The following CHCHD3 variants were observed in gnomAD, a reference collection of about 807,000 sequenced individuals.
The protein encoded by CHCHD3 is MICOS complex subunit MIC19.
In CHCHD3, 20 loss-of-function variants were observed where a neutral mutation model predicts 38.2. The observed-to-expected ratio is 0.52, with a 90% CI of 0.37 to 0.76. The LOEUF is 0.76. Among genes scored for constraint, CHCHD3 ranks in the 30% least tolerant of loss-of-function variants. The probability of loss-of-function intolerance (pLI) is 0.00; values close to 1 mark genes in which losing one functional copy is unlikely to be tolerated. For missense variants in CHCHD3, 245 were observed against 279.2 expected, an observed-to-expected ratio of 0.88 and a Z score of 0.87; for synonymous variants, 82 against 100.0, an observed-to-expected ratio of 0.82 and a Z score of 1.07.
intron 2 of CHCHD3, chr7:133,034,518 T>TTC (rs1813595749): frequency 2.1e-6 from 1 of 481,474 alleles, no homozygotes. Flanking sequence ...CTTTTTTTTT[T>TTC]TTTTTTTTTT....
Position 132,983,180 on chromosome 7 carries a change from A to G in CHCHD3, c.252-7894T>C, listed in dbSNP as rs1333627598. On this transcript the variant is annotated intron_variant, in intron 3 of 7. Coordinates refer to ENST00000262570, the MANE Select transcript of CHCHD3 (RefSeq NM_017812.4). ...CCATTAAAAATACAAAAAATTAGCC[A>G]GGCATGGTGGTAGCACCTGTAATCC... Among the ~76,000 whole-genome samples the G allele has an allele frequency of 8.5e-4, 129 of 151,632 alleles. No homozygotes were observed. The South Asian group carries it at 0.01, about 12-fold the overall frequency.
intron 5 of CHCHD3, among the ~76,000 whole-genome samples, chr7:132,852,527 G>C (rs1808244257): frequency 1.3e-5 from 2 of 152,166 alleles, no homozygotes; most frequent in East Asian, 1.9e-4. Flanking sequence ...CCACAGGACA[G>C]AGAAAACAAA....
intron 4 of CHCHD3, among the ~76,000 whole-genome samples, chr7:132,891,804 T>C (rs932758612): frequency 4.6e-5 from 7 of 152,190 alleles, no homozygotes; most frequent in African/African-American, 1.4e-4. Context: ...GCTATTCTTG[T>C]GATAGTGAGT....
At chr7:132,923,394 A>G (rs1407611029) in intron 4 of CHCHD3, among the ~76,000 whole-genome samples, 1 of 152,154 alleles carries the variant, frequency 6.6e-6, no homozygotes, top group African/African-American at 2.4e-5. Flanking sequence ...TTCCATATGG[A>G]TAAGAGATAA....
chr7:132,945,558 A>G (rs1321785645), intron 4 of CHCHD3, among the ~76,000 whole-genome samples: 1 of 151,944 alleles, frequency 6.6e-6, no homozygotes, highest in Non-Finnish European at 1.5e-5. Context: ...AGGAAGCATG[A>G]GAATGGAAAA....
chr7:133,026,930 T>C (rs1813355038), intron 2 of CHCHD3, among the ~76,000 whole-genome samples: 2 of 152,110 alleles, frequency 1.3e-5, no homozygotes, highest in East Asian at 1.9e-4. Flanking sequence ...TTTTAAGATA[T>C]TGAAAATATT....
At chr7:132,908,590 C>T (rs1243800916) in intron 4 of CHCHD3, among the ~76,000 whole-genome samples, 1 of 152,120 alleles carries the variant, frequency 6.6e-6, no homozygotes, top group Non-Finnish European at 1.5e-5. Flanking sequence ...CTGATAAAGA[C>T]TCCATCCTCT....
At chr7:132,956,412 G>A (rs1011742505) in intron 4 of CHCHD3, among the ~76,000 whole-genome samples, 4 of 152,180 alleles carry the variant, frequency 2.6e-5, no homozygotes, top group Admixed American at 6.5e-5. Flanking sequence ...CAATGGAAAT[G>A]TAAGTCAAAT....
intron 6 of CHCHD3, among the ~76,000 whole-genome samples, chr7:132,799,377 T>C (rs1806722348): frequency 6.6e-6 from 1 of 152,242 alleles, no homozygotes; most frequent in African/African-American, 2.4e-5. Flanking sequence ...ATATGCATTA[T>C]GGTAAACCCT....
chr7:132,994,707 T>C (rs934809737), intron 3 of CHCHD3, among the ~76,000 whole-genome samples: 15 of 152,212 alleles, frequency 9.9e-5, no homozygotes, highest in Non-Finnish European at 1.8e-4. Context: ...TAGTTAAACA[T>C]AGGCCTTAGA....
intron 4 of CHCHD3, among the ~76,000 whole-genome samples, chr7:132,963,130 A>G (rs1420289008): frequency 7.1e-6 from 1 of 141,810 alleles, no homozygotes; most frequent in Admixed American, 7.0e-5. Flanking sequence ...TGCTCAATTG[A>G]TCCCCTCCCC....
chr7:132,973,639 C>A (rs996671694), intron 4 of CHCHD3: 2 of 1,018,568 alleles, frequency 2.0e-6, no homozygotes, highest in Middle Eastern at 4.9e-4. Context: ...TCACTATTTG[C>A]CCATGCAACC....
intron 6 of CHCHD3, among the ~76,000 whole-genome samples, chr7:132,827,674 T>C (rs1807539827): frequency 6.6e-6 from 1 of 152,208 alleles, no homozygotes; most frequent in Admixed American, 6.5e-5. Context: ...TCCCAAAATC[T>C]CAGAAATGCT....
At chr7:133,055,358 A>ATATTTGATTATAATTAATTATAATTATGT (rs1370768144) in intron 2 of CHCHD3, among the ~76,000 whole-genome samples, 15 of 145,412 alleles carry the variant, frequency 1.0e-4, no homozygotes, top group Admixed American at 2.1e-4. Context: ...GTTGTATTAT[A>ATATTTGATTATAATTAATTATAATTATGT]TATTTGATTA....
intron 2 of CHCHD3, among the ~76,000 whole-genome samples, chr7:133,066,342 C>T (rs1584683840): frequency 6.6e-6 from 1 of 151,982 alleles, no homozygotes; most frequent in Admixed American, 6.5e-5. Flanking sequence ...GCAACTTCCG[C>T]CTCCCAGGTT....
At chr7:132,958,344 GACTTT>G (rs1209320770) in intron 4 of CHCHD3, among the ~76,000 whole-genome samples, 3 of 151,972 alleles carry the variant, frequency 2.0e-5, no homozygotes, top group Non-Finnish European at 4.4e-5. Flanking sequence ...TCATTTCAGA[GACTTT>G]AGCAATCACA....
At chr7:132,901,004 C>G (rs553841903) in intron 4 of CHCHD3, among the ~76,000 whole-genome samples, 1 of 151,846 alleles carries the variant, frequency 6.6e-6, no homozygotes, top group South Asian at 2.1e-4. Context: ...AAACAAAAAA[C>G]AGAGAGAGAA....
chr7:132,984,180 A>T (rs1243929318), intron 3 of CHCHD3, among the ~76,000 whole-genome samples: 1 of 151,504 alleles, frequency 6.6e-6, no homozygotes, highest in Non-Finnish European at 1.5e-5. Flanking sequence ...CTCCTGCCTC[A>T]GCCTGCCGAG....
chr7:132,878,011 G>A (rs373698413), intron 5 of CHCHD3, among the ~76,000 whole-genome samples: 15 of 151,716 alleles, frequency 9.9e-5, no homozygotes, highest in African/African-American at 3.4e-4. Flanking sequence ...TCGCAGGGGG[G>A]AATATCAAAC....
Sources: gnomAD v4.1 joint callset for allele counts (sites outside exome capture counted in the v4.1 genomes callset) on GRCh38, gnomAD v4.1.1 for gene constraint, MANE v1.5 for transcripts, NCBI Gene and HGNC (gene_info 2026-07-23, HGNC 2026-07-21) for gene names.